The following SUCLA2 variants were observed in gnomAD, a reference collection of about 807,000 sequenced individuals.
The protein encoded by SUCLA2 is succinate--CoA ligase [ADP-forming] subunit beta, mitochondrial.
In SUCLA2, 30 loss-of-function variants were observed where a neutral mutation model predicts 54.8. The ratio of observed to expected loss-of-function variants is 0.55; its 90% CI spans 0.41 to 0.74. The LOEUF (loss-of-function observed/expected upper bound fraction) is 0.74, where lower values mean the gene tolerates loss of function less well. Ranked by LOEUF, SUCLA2 falls within the 30% of genes least tolerant of loss-of-function variation. The probability of loss-of-function intolerance (pLI) is 0.00; values close to 1 mark genes in which losing one functional copy is unlikely to be tolerated. For missense variants in SUCLA2, 476 were observed against 562.9 expected (o/e 0.85, Z 1.56); for synonymous variants, 172 against 188.9 (o/e 0.91, Z 0.74).
At chr13:47,959,178 T>G (rs1757118114) in intron 6 of SUCLA2, among the ~76,000 whole-genome samples, 1 of 152,102 alleles carries the variant, frequency 6.6e-6, no homozygotes, top group African/African-American at 2.4e-5. Flanking sequence ...AATAATAATT[T>G]TGTTTAATTC....
chr13:47,982,012 T>A (rs1286857036), intron 4 of SUCLA2, among the ~76,000 whole-genome samples: 1 of 152,078 alleles, frequency 6.6e-6, no homozygotes, highest in African/African-American at 2.4e-5. Context: ...AATAAAACGG[T>A]ACAGCTGCTA....
chr13:47,959,503 GGGAGGA>G (rs71099649), intron 6 of SUCLA2, among the ~76,000 whole-genome samples: 11 of 18,716 alleles, frequency 5.9e-4, no homozygotes, highest in East Asian at 2.4e-3. Flanking sequence ...GGGGAGCGGG[GGGAGGA>G]GGAGGAGGAG....
chr13:47,997,709 C>T (rs1337696379), intron 1 of SUCLA2, among the ~76,000 whole-genome samples: 2 of 152,174 alleles, frequency 1.3e-5, no homozygotes, highest in Admixed American at 1.3e-4. Flanking sequence ...ATGTTATCCA[C>T]GCATTTCCAT....
At chr13:47,943,782 T>A (rs536023977) in intron 10 of SUCLA2, among the ~76,000 whole-genome samples, 32 of 118,784 alleles carry the variant, frequency 2.7e-4, no homozygotes, top group African/African-American at 6.1e-4. Context: ...ATATATATAT[T>A]ATTCTAAATT....
chr13:47,979,366 T>C (rs1950043319), intron 4 of SUCLA2, among the ~76,000 whole-genome samples: 1 of 152,132 alleles, frequency 6.6e-6, no homozygotes, highest in Non-Finnish European at 1.5e-5. Flanking sequence ...GAAACCATCA[T>C]TCTCAGCAAG....
At chr13:47,969,272 C>T (rs1203874359) in intron 5 of SUCLA2, among the ~76,000 whole-genome samples, 2 of 151,464 alleles carry the variant, frequency 1.3e-5, no homozygotes, top group Non-Finnish European at 3.0e-5. Flanking sequence ...TATTAGAAGA[C>T]CCTATTTTAC....
intron 10 of SUCLA2, among the ~76,000 whole-genome samples, chr13:47,945,133 C>T (rs544429311): frequency 2.6e-5 from 4 of 151,586 alleles, no homozygotes; most frequent in African/African-American, 9.7e-5. Flanking sequence ...CCTGTAATCC[C>T]AGCTGCTTGG....
intron 2 of SUCLA2, among the ~76,000 whole-genome samples, chr13:47,989,541 A>G (rs998591682): frequency 7.8e-5 from 6 of 76,832 alleles, no homozygotes; most frequent in Admixed American, 5.8e-4. Context: ...TGGCCACATT[A>G]AACCATTTCT....
chr13:47,993,998 C>T (rs1447299648), intron 2 of SUCLA2, among the ~76,000 whole-genome samples: 2 of 148,268 alleles, frequency 1.3e-5, no homozygotes, highest in Non-Finnish European at 1.5e-5. Context: ...GCGGAGGTTG[C>T]GGTGAGCTGA....
chr13:47,945,119 C>G (rs1313442538), intron 10 of SUCLA2, among the ~76,000 whole-genome samples: 1 of 151,658 alleles, frequency 6.6e-6, no homozygotes, highest in African/African-American at 2.4e-5. Flanking sequence ...CATGGTGGTA[C>G]ATGCCTGTAA....
At chr13:47,997,067 A>G (rs1209861155) in intron 1 of SUCLA2, 44 bp from the exon 2 acceptor site, 3 of 1,608,496 alleles carry the variant, frequency 1.9e-6, no homozygotes, top group Non-Finnish European at 2.6e-6. Context: ...GTGATTTGGC[A>G]GTCACTCTTG....
chr13:47,977,407 C>T (rs6561419), intron 4 of SUCLA2, among the ~76,000 whole-genome samples: 110,752 of 151,842 alleles, frequency 0.73, 41,323 homozygotes, highest in Non-Finnish European at 0.82. Flanking sequence ...TTGAAAAGGA[C>T]GGAAAATTTC....
chr13:47,962,864 T>G (rs1203818359), intron 6 of SUCLA2, among the ~76,000 whole-genome samples: 1 of 151,442 alleles, frequency 6.6e-6, no homozygotes, highest in African/African-American at 2.4e-5. Flanking sequence ...AACTTAGGAG[T>G]TTTTCCTCAG....
intron 6 of SUCLA2, among the ~76,000 whole-genome samples, chr13:47,966,058 A>C (rs1949915908): frequency 6.6e-6 from 1 of 152,206 alleles, no homozygotes; most frequent in Non-Finnish European, 1.5e-5. Flanking sequence ...AAAAAAGAAA[A>C]GAATATTCTT....
At chr13:47,946,161 C>T (rs1046536941) in intron 10 of SUCLA2, among the ~76,000 whole-genome samples, 10 of 152,140 alleles carry the variant, frequency 6.6e-5, no homozygotes, top group African/African-American at 2.4e-4. Context: ...ACATTTATCA[C>T]GGTATATTGT....
chr13:47,992,410 AT>A (rs60466958), intron 2 of SUCLA2, among the ~76,000 whole-genome samples: 3,453 of 105,512 alleles, frequency 0.033, 50 homozygotes, highest in South Asian at 0.13. Context: ...AAAAAAAAAA[AT>A]TTTTCATGAA....
intron 2 of SUCLA2, among the ~76,000 whole-genome samples, chr13:47,989,336 G>A (rs937823583): frequency 5.9e-5 from 9 of 151,290 alleles, no homozygotes; most frequent in Admixed American, 4.0e-4. Flanking sequence ...TCAGCCTCCC[G>A]AGTAGCTGGG....
intron 9 of SUCLA2, 77 bp downstream of exon 9, chr13:47,949,406 T>C: frequency 6.5e-7 from 1 of 1,534,520 alleles, no homozygotes; most frequent in Non-Finnish European, 9.0e-7. Context: ...AAAAACTATG[T>C]TTTAACAAAC....
rs920462908 is a variant in SUCLA2, at chr13:48,001,080, C to T, written c.90+100G>A. 1.2e-5 allele frequency: 18 copies of T among 1,528,614 alleles called. No individual in the cohort carries two copies. In the African/African-American group the frequency reaches 1.9e-4, roughly 16 times the overall value. 94.7% of individuals were successfully genotyped at this position (1,528,614 alleles called of 1,614,324 possible). A position where few individuals can be genotyped will look rare whatever the true frequency, so the allele number is the denominator to read the frequency against. On this transcript the variant is annotated intron_variant, in intron 1 of 10. Coordinates refer to ENST00000646932, the MANE Select transcript of SUCLA2 (RefSeq NM_003850.3). ...GCCTTGCAGGGCACCCAGAAAATGT[C>T]ACTGCCGGCGAAGTGACCCCGAGCC... is the stretch of plus-strand genomic sequence containing the variant.
Sources: gnomAD v4.1 joint callset for allele counts (sites outside exome capture counted in the v4.1 genomes callset) on GRCh38, gnomAD v4.1.1 for gene constraint, MANE v1.5 for transcripts, NCBI Gene and HGNC (gene_info 2026-07-23, HGNC 2026-07-21) for gene names.